Variants in PCDHA5 observed in about 807,000 individuals in gnomAD.
PCDHA5 encodes the protein protocadherin alpha 5.
PCDHA5 carries 43 observed loss-of-function variants against 61.6 expected under a neutral mutation model. The observed-to-expected ratio is 0.70, with a 90% CI of 0.55 to 0.90. PCDHA5 has a LOEUF of 0.90. PCDHA5 is among the 40% of genes least tolerant of loss of function. PCDHA5 has a pLI of 0.00. For synonymous variants in PCDHA5, 627 were observed against 543.9 expected (o/e 1.15, Z -2.13); for missense variants, 1,298 against 1,222.7 (o/e 1.06, Z -0.92).
Position 140,851,565 on chromosome 5 carries a change from G to T in PCDHA5, c.2352+27438G>T, listed in dbSNP as rs558874725. Reference sequence around the variant, plus strand: ...TTCAAGAAATGTTGACTGAAATTTTGTCTACACTTAGAACATTTTTTGAAA... The same window carrying T: ...TTCAAGAAATGTTGACTGAAATTTTTTCTACACTTAGAACATTTTTTGAAA... On this transcript the variant is annotated intron_variant, in intron 1 of 3. Transcript: ENST00000529859. The T allele has an allele frequency of 3.3e-6, 3 of 908,000 alleles. No homozygotes were observed. In the African/African-American group the frequency reaches 5.4e-5, roughly 16 times the overall value. 56.2% of individuals were successfully genotyped at this position (908,000 alleles called of 1,614,324 possible).
intron 1 of PCDHA5, among the ~76,000 whole-genome samples, chr5:140,918,454 C>A (rs1168986520): frequency 6.6e-6 from 1 of 152,158 alleles, no homozygotes; most frequent in Non-Finnish European, 1.5e-5. Context: ...CAGTGGGCAT[C>A]CTTGTCTTAT....
intron 1 of PCDHA5, among the ~76,000 whole-genome samples, chr5:140,965,785 T>C (rs1315730975): frequency 1.3e-5 from 2 of 152,222 alleles, no homozygotes; most frequent in East Asian, 3.8e-4. Context: ...GCCTACAGCT[T>C]CATGGAGACT....
chr5:140,967,865 C>G, intron 1 of PCDHA5: 1 of 1,614,164 alleles, frequency 6.2e-7, no homozygotes, highest in Non-Finnish European at 8.5e-7. Flanking sequence ...AGAGGTGGTG[C>G]TCACGGACCT....
intron 2 of PCDHA5, among the ~76,000 whole-genome samples, chr5:140,980,920 A>T (rs1040099192): frequency 1.3e-5 from 2 of 152,166 alleles, no homozygotes; most frequent in African/African-American, 4.8e-5. Context: ...TCTTTAAAAA[A>T]TTCTGCTTTG....
chr5:140,855,175 T>C (rs1554147660), intron 1 of PCDHA5, among the ~76,000 whole-genome samples: 1 of 149,898 alleles, frequency 6.7e-6, no homozygotes, highest in African/African-American at 2.4e-5. Context: ...TGAAAACAAA[T>C]GTGGCCAAAT....
At chr5:140,926,607 C>T (rs887450914) in intron 1 of PCDHA5, 1 of 348,974 alleles carries the variant, frequency 2.9e-6, no homozygotes, top group Non-Finnish European at 5.1e-6. Context: ...GGCCTCGTCT[C>T]TGCACCCCTA....
At chr5:140,968,321 A>ACCTCCTATGT in intron 1 of PCDHA5, 1 of 1,613,834 alleles carries the variant, frequency 6.2e-7, no homozygotes, top group Non-Finnish European at 8.5e-7. Flanking sequence ...GCTGCCAGTC[A>ACCTCCTATGT]CCTCCTATGT....
chr5:140,835,340 A>G (rs1371030036), intron 1 of PCDHA5: 2 of 1,613,678 alleles, frequency 1.2e-6, no homozygotes, highest in Admixed American at 1.7e-5. Context: ...ACAAGATCCC[A>G]GTCGAGGCTG....
chr5:140,854,061 C>A, intron 1 of PCDHA5: 1 of 279,894 alleles, frequency 3.6e-6, no homozygotes, highest in Non-Finnish European at 5.4e-6. Flanking sequence ...ACTCAGGAGG[C>A]TGAGGCGAGA....
chr5:140,927,257 C>T, intron 1 of PCDHA5: 1 of 1,614,152 alleles, frequency 6.2e-7, no homozygotes, highest in Non-Finnish European at 8.5e-7. Flanking sequence ...GACAACTCAC[C>T]TCTCTTTCCT....
intron 1 of PCDHA5, among the ~76,000 whole-genome samples, chr5:140,966,033 G>C (rs772770928): frequency 6.6e-6 from 1 of 152,138 alleles, no homozygotes; most frequent in African/African-American, 2.4e-5. Context: ...CAGGTGAATA[G>C]TTCCCATCGC....
chr5:140,912,897 G>A (rs782442093), intron 1 of PCDHA5, among the ~76,000 whole-genome samples: 5 of 152,172 alleles, frequency 3.3e-5, no homozygotes, highest in Non-Finnish European at 5.9e-5. Context: ...TTGATATGAT[G>A]TATCATATTG....
At chr5:140,998,943 G>T (rs1366415632) in intron 3 of PCDHA5, among the ~76,000 whole-genome samples, 2 of 152,212 alleles carry the variant, frequency 1.3e-5, no homozygotes, top group African/African-American at 2.4e-5. Flanking sequence ...TGAAGAAACT[G>T]TAAGTCAATG....
chr5:140,981,691 T>C (rs1370541525), intron 2 of PCDHA5, among the ~76,000 whole-genome samples: 1 of 150,826 alleles, frequency 6.6e-6, no homozygotes, highest in East Asian at 2.1e-4. Flanking sequence ...CCTTCCATCA[T>C]TCATTCATTC....
intron 1 of PCDHA5, chr5:140,883,145 T>C (rs2059462627): frequency 6.2e-7 from 1 of 1,613,988 alleles, no homozygotes; most frequent in Admixed American, 1.7e-5. Context: ...GGTATATGCA[T>C]TTACCATAAA....
chr5:140,852,048 G>T, intron 1 of PCDHA5: 1 of 917,014 alleles, frequency 1.1e-6, no homozygotes, highest in Non-Finnish European at 1.3e-6. Flanking sequence ...TTGTTATGTG[G>T]TTTATATTTT....
intron 1 of PCDHA5, among the ~76,000 whole-genome samples, chr5:140,935,894 C>CTT (rs55841305): frequency 0.3 from 41,439 of 136,538 alleles, 6,640 homozygotes; most frequent in East Asian, 0.49. Context: ...TCAATATTAT[C>CTT]TTTTTTTTTT....
At chr5:140,941,987 G>A (rs1315027422) in intron 1 of PCDHA5, among the ~76,000 whole-genome samples, 1 of 152,104 alleles carries the variant, frequency 6.6e-6, no homozygotes, top group Non-Finnish European at 1.5e-5. Flanking sequence ...ACCTTGATAA[G>A]GGATTCATAT....
At position 140,842,972 on chromosome 5, in the gene PCDHA5, C is replaced by G; in HGVS notation, c.2352+18845C>G. 1.9e-6 allele frequency: 3 copies of G among 1,595,038 alleles called. 1 individual carries two copies. The highest frequency in any genetic ancestry group is 2.6e-6 in the Non-Finnish European group (3 of 1,165,520). On this transcript the variant is annotated intron_variant, in intron 1 of 3. Transcript: ENST00000529859. The stretch of plus-strand genomic sequence containing the variant: ...GCCGCCTCTGGGCAGCAACGTGACG[C>G]TGCAGGTGTTCGTGCTGGACGAGAA...
Sources: gnomAD v4.1 joint callset for allele counts (sites outside exome capture counted in the v4.1 genomes callset) on GRCh38, gnomAD v4.1.1 for gene constraint, MANE v1.5 for transcripts, NCBI Gene and HGNC (gene_info 2026-07-23, HGNC 2026-07-21) for gene names.